CDK7: variants seen among roughly 807,000 people sequenced by gnomAD.
CDK7 encodes the protein cyclin-dependent kinase 7.
In CDK7, 25 loss-of-function variants were observed where a neutral mutation model predicts 49.1. That is an observed-to-expected ratio of 0.51 (90% CI 0.37 to 0.71). The LOEUF is 0.71. CDK7 is among the 30% of genes least tolerant of loss of function. The pLI, the probability that CDK7 is intolerant of heterozygous loss-of-function variation, is 0.00. For missense variants in CDK7, 316 were observed against 411.7 expected, an observed-to-expected ratio of 0.77 and a Z score of 2.01; for synonymous variants, 107 against 140.0, an observed-to-expected ratio of 0.76 and a Z score of 1.67.
intron 2 of CDK7, among the ~76,000 whole-genome samples, chr5:69,239,979 T>C (rs1222832175): frequency 2.0e-5 from 3 of 152,042 alleles, no homozygotes; most frequent in Non-Finnish European, 4.4e-5. Flanking sequence ...CCCAAAGTGC[T>C]TGGATTACAG....
chr5:69,235,091 C>T (rs756693208), intron 1 of CDK7, 50 bp downstream of exon 1: 1 of 1,522,154 alleles, frequency 6.6e-7, no homozygotes, highest in South Asian at 1.2e-5. Context: ...CAGCCCCGCG[C>T]CGCCTCCACC....
intron 9 of CDK7, among the ~76,000 whole-genome samples, chr5:69,269,865 G>A (rs1423594621): frequency 6.6e-6 from 1 of 151,154 alleles, no homozygotes; most frequent in Non-Finnish European, 1.5e-5. Context: ...TTACAGGCAT[G>A]AGCCAGCGCA....
rs372048607 is a variant in CDK7, at chr5:69,256,885, G to A, written c.298-1158G>A. 1.4e-4 allele frequency among the ~76,000 whole-genome samples: 22 copies of A among 151,866 alleles called. 1 individual carries two copies. Among genetic ancestry groups the A allele is most frequent in the African/African-American group, 4.3e-4 (18 of 41,424 alleles). Reference sequence around the variant, plus strand: ...AAAGAAAAAAAAAAGAAACAAAAACGTATGCCAGAATTCAGTTGGTACAGA... The same window carrying A: ...AAAGAAAAAAAAAAGAAACAAAAACATATGCCAGAATTCAGTTGGTACAGA... On this transcript the variant is annotated intron_variant, in intron 5 of 11. Coordinates refer to ENST00000256443, the MANE Select transcript of CDK7 (RefSeq NM_001799.4).
chr5:69,250,425 A>G (rs1348810057), intron 2 of CDK7, among the ~76,000 whole-genome samples: 1 of 152,148 alleles, frequency 6.6e-6, no homozygotes. Flanking sequence ...CCCTTTCTTC[A>G]GGCAGAGGAG....
intron 11 of CDK7, 51 bp from the exon 12 acceptor site, chr5:69,277,056 C>G: frequency 3.3e-6 from 5 of 1,500,014 alleles, no homozygotes; most frequent in Non-Finnish European, 4.5e-6. Flanking sequence ...AGAATGTGAA[C>G]TTTGTTAAAT....
chr5:69,255,784 C>A, intron 5 of CDK7: 9 of 452,356 alleles, frequency 2.0e-5, no homozygotes, highest in East Asian at 8.3e-5. Flanking sequence ...TAGTTGACGT[C>A]ATTTTTGGAG....
rs553630125 is a variant in CDK7 at position 69,240,902 on chromosome 5, C to G, written c.126+5449C>G. On this transcript the variant is annotated intron_variant, in intron 2 of 11. Coordinates refer to ENST00000256443, the MANE Select transcript of CDK7 (RefSeq NM_001799.4). ...TTGGCCTCCCAAAGTGCTGGGATTA[C>G]AGGTGTGAGCCACCGCACCTGGCCT... 4.6e-5 allele frequency among the ~76,000 whole-genome samples: 7 copies of G among 152,314 alleles called. No individual in the cohort carries two copies. The East Asian group carries it at 1.3e-3, about 29-fold the overall frequency.
At chr5:69,234,838 C>A, upstream of CDK7, 1 of 852,326 alleles carries the variant, frequency 1.2e-6, no homozygotes, top group South Asian at 1.6e-5. Context: ...CTCCGCCCAC[C>A]ACGGAAGTGA....
At chr5:69,255,415 C>G (rs2150206341) in intron 4 of CDK7, 45 bp from the exon 5 acceptor site, 12 of 1,110,418 alleles carry the variant, frequency 1.1e-5, no homozygotes, top group East Asian at 2.4e-5. Flanking sequence ...ATGATACTGT[C>G]AGGTATTAAA....
chr5:69,258,874 T>C (rs563272145), intron 6 of CDK7, among the ~76,000 whole-genome samples: 1 of 152,232 alleles, frequency 6.6e-6, no homozygotes, highest in Admixed American at 6.5e-5. Context: ...CCAGGAGTTC[T>C]AGACCAGCCT....
intron 3 of CDK7, 56 bp from the exon 4 acceptor site, chr5:69,254,546 T>C: frequency 1.2e-6 from 1 of 809,254 alleles, no homozygotes; most frequent in African/African-American, 1.8e-5. Flanking sequence ...AAAAGAAGTG[T>C]TTGTAAGGTT....
intron 2 of CDK7, among the ~76,000 whole-genome samples, chr5:69,248,106 C>G (rs1327866052): frequency 6.6e-6 from 1 of 152,188 alleles, no homozygotes; most frequent in African/African-American, 2.4e-5. Context: ...CTCCCTTTAG[C>G]ATTTCTTGTA....
In CDK7 at chr5:69,253,273, TA is replaced by T. The variant is rs1347376163; in HGVS notation, c.160+823del. Among the ~76,000 whole-genome samples, 4 of 152,304 alleles carry T rather than the reference TA, an allele frequency of 2.6e-5. No individual in the cohort carries two copies. The East Asian group carries it at 7.7e-4, about 29-fold the overall frequency. On this transcript the variant is annotated intron_variant, in intron 3 of 11. Coordinates refer to ENST00000256443, the MANE Select transcript of CDK7 (RefSeq NM_001799.4). The stretch of plus-strand genomic sequence containing the variant: ...TACTATATCTTATTTTTATTTTGTT[TA>T]TTTTTTTTGAGACAGAGTCATGCTC...
intron 8 of CDK7, among the ~76,000 whole-genome samples, chr5:69,264,763 G>T (rs1389773306): frequency 6.6e-6 from 1 of 151,990 alleles, no homozygotes; most frequent in Non-Finnish European, 1.5e-5. Context: ...CCAAGGTTGG[G>T]AGTTTGAGAC....
At position 69,254,104 on chromosome 5, in the gene CDK7, AAAAT is replaced by A. The variant is rs1383987497; in HGVS notation, c.161-486_161-483del. On this transcript the variant is annotated intron_variant, in intron 3 of 11. Coordinates refer to ENST00000256443, the MANE Select transcript of CDK7 (RefSeq NM_001799.4). ...GACAGGGTGAAACCCCATCTCAAAA[AAAAT>A]AAATAAATAAAAATAAAGCAATGTA... Among the ~76,000 whole-genome samples, 8 of 152,206 alleles carry A rather than the reference AAAAT, an allele frequency of 5.3e-5. No individual in the cohort carries two copies. In the South Asian group the frequency reaches 8.3e-4, roughly 16 times the overall value.
intron 6 of CDK7, among the ~76,000 whole-genome samples, chr5:69,258,934 G>A (rs530594034): frequency 2.4e-4 from 36 of 152,014 alleles, no homozygotes; most frequent in African/African-American, 8.4e-4. Context: ...AAATTAGCTG[G>A]GTGCAGTGGT....
intron 8 of CDK7, among the ~76,000 whole-genome samples, chr5:69,263,860 G>A (rs959560348): frequency 4.6e-5 from 7 of 152,214 alleles, no homozygotes; most frequent in Non-Finnish European, 5.9e-5. Flanking sequence ...GTTAGAGATT[G>A]TGGACCTGTT....
intron 2 of CDK7, among the ~76,000 whole-genome samples, chr5:69,238,555 G>C (rs1244306415): frequency 6.6e-6 from 1 of 151,820 alleles, no homozygotes; most frequent in Non-Finnish European, 1.5e-5. Context: ...CCAAAGTGCT[G>C]AGATTACAGG....
chr5:69,238,240 C>T (rs1240675285), intron 2 of CDK7, among the ~76,000 whole-genome samples: 3 of 149,842 alleles, frequency 2.0e-5, no homozygotes, highest in African/African-American at 7.4e-5. Flanking sequence ...TGTCTTAAAT[C>T]TGTGTATCTC....
Sources: gnomAD v4.1 joint callset for allele counts (sites outside exome capture counted in the v4.1 genomes callset) on GRCh38, gnomAD v4.1.1 for gene constraint, MANE v1.5 for transcripts, NCBI Gene and HGNC (gene_info 2026-07-23, HGNC 2026-07-21) for gene names.